Variants in TUFM observed in about 807,000 individuals in gnomAD.
TUFM encodes the protein elongation factor Tu, mitochondrial.
A neutral mutation model predicts 45.0 loss-of-function variants in TUFM; 23 were observed. The observed-to-expected ratio is 0.51, with a 90% CI of 0.37 to 0.72. TUFM has a LOEUF of 0.72. TUFM is among the 30% of genes least tolerant of loss of function. TUFM has a pLI of 0.00. For missense variants in TUFM, 490 were observed against 610.7 expected (o/e 0.80, Z 2.08); for synonymous variants, 243 against 252.9 (o/e 0.96, Z 0.37).
chr16:28,843,182 C>T (rs1392956436), intron 9 of TUFM, 34 bp from the exon 10 acceptor site: 3 of 1,613,188 alleles, frequency 1.9e-6, no homozygotes, highest in Non-Finnish European at 2.5e-6. Flanking sequence ...TGCGTGGCCT[C>T]CAGGGTGCCT....
In TUFM at chr16:28,842,417, G is replaced by A. The variant is rs1961826121; in HGVS notation, c.*558C>T. ...ACTTCACTGAGAAATCAAAAAATTT[G>A]TGACCTGCTTTATTGTGGTAGTCTG... On this transcript the variant is annotated 3_prime_UTR_variant, in exon 10 of 10. Coordinates refer to ENST00000313511, the MANE Select transcript of TUFM (RefSeq NM_003321.5). The A allele has an allele frequency of 1.7e-5, 3 of 175,660 alleles. No homozygotes were observed. Among genetic ancestry groups the A allele is most frequent in the African/African-American group, 7.2e-5 (3 of 41,744 alleles). The allele number at this position is 175,660 out of a possible 1,614,324, so 10.9% of individuals were successfully genotyped here. A position where few individuals can be genotyped will look rare whatever the true frequency, so the allele number is the denominator to read the frequency against.
chr16:28,845,219 A>G, intron 3 of TUFM, 95 bp downstream of exon 3: 1 of 1,604,158 alleles, frequency 6.2e-7, no homozygotes, highest in East Asian at 2.2e-5. Context: ...TCATACCCAA[A>G]CACTGAATAT....
At position 28,846,339 on chromosome 16, in the gene TUFM, G is replaced by C. The variant is rs1400660356; in HGVS notation, c.-70C>G. 6.6e-7 allele frequency: 1 copy of C among 1,511,678 alleles called. No individual in the cohort carries two copies. The highest frequency in any genetic ancestry group is 2.1e-5 in the Admixed American group (1 of 48,322). 93.6% of individuals were successfully genotyped at this position (1,511,678 alleles called of 1,614,324 possible). A position where few individuals can be genotyped will look rare whatever the true frequency, so the allele number is the denominator to read the frequency against. On this transcript the variant is annotated 5_prime_UTR_variant, in exon 1 of 10. Transcript: ENST00000313511. The stretch of plus-strand genomic sequence containing the variant: ...GCACAGAAGAAGAAGGGCGCCTGCG[G>C]CTGGAAGGCACTTCCGGCGGAAGTT...
intron 3 of TUFM, 90 bp from the exon 4 acceptor site, chr16:28,845,145 C>A: frequency 2.6e-6 from 4 of 1,567,680 alleles, no homozygotes; most frequent in Non-Finnish European, 3.5e-6. Flanking sequence ...GAAACTCAGG[C>A]CCACCTTTCT....
chr16:28,843,276 G>T, intron 9 of TUFM, 128 bp from the exon 10 acceptor site: 1 of 966,136 alleles, frequency 1.0e-6, no homozygotes, highest in South Asian at 1.4e-5. Context: ...CCTGGGGACA[G>T]CTTCATCCAT....
At chr16:28,845,162 TCTC>T (rs781659980) in intron 3 of TUFM, 107 bp from the exon 4 acceptor site, 69 of 1,554,772 alleles carry the variant, frequency 4.4e-5, no homozygotes, top group Non-Finnish European at 6.0e-5. Flanking sequence ...TTCTCTACCA[TCTC>T]CTCACCACCC....
At chr16:28,845,835 A>C in intron 2 of TUFM, 77 bp downstream of exon 2, 128 of 1,558,394 alleles carry the variant, frequency 8.2e-5, no homozygotes, top group Non-Finnish European at 1.0e-4. Context: ...TCCAGCAGAC[A>C]CTCTGCTGGC....
chr16:28,843,958 C>A lies in TUFM; in HGVS notation c.1066G>T (p.Glu356Ter). The A allele has an allele frequency of 1.2e-6, 2 of 1,614,158 alleles. No individual in the cohort carries two copies. Among genetic ancestry groups the A allele is most frequent in the Non-Finnish European group, 1.7e-6 (2 of 1,180,020 alleles). Reference sequence around the variant, plus strand: ...TCACCTGGAGCCCTCACCTGGGCCTCCACCTTCTGGTGGGGCTTGATGGAA... The same window carrying A: ...TCACCTGGAGCCCTCACCTGGGCCTACACCTTCTGGTGGGGCTTGATGGAA... ...PGSIKPHQKV[E>*]AQVYILSKEE... Residue 356 changes from glutamate (E) to a stop codon, truncating the protein, a stop_gained, in exon 8 of 10, where the codon GAG becomes TAG. Coordinates refer to ENST00000313511, the MANE Select transcript of TUFM (RefSeq NM_003321.5). LOFTEE classifies it high-confidence loss of function.
At chr16:28,843,715 C>T (rs1961857761) in intron 9 of TUFM, 21 bp downstream of exon 9, 2 of 1,612,112 alleles carry the variant, frequency 1.2e-6, no homozygotes, top group Non-Finnish European at 1.7e-6. Context: ...CTCCACCCTA[C>T]ATTCCTCCCA....
In TUFM at chr16:28,844,639, C is replaced by G; in HGVS notation, c.684+59G>C. 6.2e-6 allele frequency: 10 copies of G among 1,613,918 alleles called. No homozygotes were observed. Among genetic ancestry groups the G allele is most frequent in the Non-Finnish European group, 8.5e-6 (10 of 1,179,992 alleles). ...CACTTCCCAGACACAAAGCAGAGCTCTGGGTGCCCATCCAGCCCCACCCTC... is the reference window on the plus strand; with the variant it reads ...CACTTCCCAGACACAAAGCAGAGCTGTGGGTGCCCATCCAGCCCCACCCTC... On this transcript the variant is annotated intron_variant, in intron 5 of 9. Transcript: ENST00000313511. The surrounding 1 kb of genome is among the most constrained non-coding windows in gnomAD (Gnocchi z 5.8).
chr16:28,844,384 T>C lies in TUFM; in HGVS notation c.817+35A>G. 1.2e-6 allele frequency: 2 copies of C among 1,614,074 alleles called. No individual in the cohort carries two copies. The highest frequency in any genetic ancestry group is 1.7e-6 in the Non-Finnish European group (2 of 1,180,004). On this transcript the variant is annotated intron_variant, in intron 6 of 9. Coordinates refer to ENST00000313511, the MANE Select transcript of TUFM (RefSeq NM_003321.5). This position sits in a 1 kb window ranked among gnomAD's most constrained non-coding sequence, Gnocchi z 5.8. ...CAGGGACCCCGAGCTAGGCTTCTGC[T>C]AGAGAGAGTGCGTGGGAACAGACAG...
rs749070181 is a variant in TUFM at position 28,845,489 on chromosome 16, G to A, written c.248-9C>T. 30 of 1,614,100 alleles carry A rather than the reference G, an allele frequency of 1.9e-5. No homozygotes were observed. In the South Asian group the frequency reaches 3.3e-4, roughly 18 times the overall value. On this transcript the variant is annotated splice_polypyrimidine_tract_variant and intron_variant, in intron 2 of 9. Transcript: ENST00000313511. ...ACCTCCCTCAGCTAGAACTAAAGGA[G>A]GAAAAGAACACACCTCTCAGCTAAA...
At chr16:28,843,664 T>C in intron 9 of TUFM, 72 bp downstream of exon 9, 2 of 1,601,518 alleles carry the variant, frequency 1.2e-6, no homozygotes, top group East Asian at 4.5e-5. Context: ...AGTGTATCTT[T>C]GGAACTATGA....
chr16:28,843,291 G>A (rs1961847539), intron 9 of TUFM, 143 bp from the exon 10 acceptor site: 1 of 852,388 alleles, frequency 1.2e-6, no homozygotes, highest in Admixed American at 2.0e-5. Flanking sequence ...ATCCATCCCA[G>A]GCTGTCAGGC....
Position 28,844,392 on chromosome 16 carries a change from G to A in TUFM, c.817+27C>T. 2 of 1,614,200 alleles carry A rather than the reference G, an allele frequency of 1.2e-6. No individual in the cohort carries two copies. The highest frequency in any genetic ancestry group is 1.7e-6 in the Non-Finnish European group (2 of 1,180,028). Reference sequence around the variant, plus strand: ...CCGAGCTAGGCTTCTGCTAGAGAGAGTGCGTGGGAACAGACAGAGTCCTCA... The same window carrying A: ...CCGAGCTAGGCTTCTGCTAGAGAGAATGCGTGGGAACAGACAGAGTCCTCA... On this transcript the variant is annotated intron_variant, in intron 6 of 9. Coordinates refer to ENST00000313511, the MANE Select transcript of TUFM (RefSeq NM_003321.5). The surrounding 1 kb of genome is among the most constrained non-coding windows in gnomAD (Gnocchi z 5.8).
rs1230150459 is a variant in TUFM at position 28,843,784 on chromosome 16, G to C, written c.1146C>G (p.Phe382Leu). ...PFVSHFMPVM[F>L]SLTWDMACRI... Reference sequence around the variant, plus strand: ...GACAGGCCATGTCCCAAGTCAGGGAGAACATGACAGGCATGAAGTGGGACA... The same window carrying C: ...GACAGGCCATGTCCCAAGTCAGGGACAACATGACAGGCATGAAGTGGGACA... The change falls in exon 9 of 10, where the codon TTC becomes TTG. Residue 382 changes from phenylalanine (F) to leucine (L), a missense_variant. Physicochemically the swap from Phe to Leu is conservative, Grantham distance 22 (BLOSUM62 0). Coordinates refer to ENST00000313511, the MANE Select transcript of TUFM (RefSeq NM_003321.5). 1 of 1,613,982 alleles carries C rather than the reference G, an allele frequency of 6.2e-7. No homozygotes were observed. The highest frequency in any genetic ancestry group is 1.1e-5 in the South Asian group (1 of 91,068).
chr16:28,843,254 G>T, intron 9 of TUFM, 106 bp from the exon 10 acceptor site: 2 of 1,210,948 alleles, frequency 1.7e-6, no homozygotes, highest in East Asian at 2.4e-5. Flanking sequence ...ATGCAGCAGG[G>T]GAATGGTTCT....
At position 28,843,158 on chromosome 16, in the gene TUFM, G is replaced by A. The variant is rs779985614; in HGVS notation, c.1195-10C>T. ...CGGGCATGGCAAGCTCCTAGAGTAG[G>A]AAGAGAAGGATCATGCGTGGCCTCC... is the stretch of plus-strand genomic sequence containing the variant. On this transcript the variant is annotated splice_polypyrimidine_tract_variant and intron_variant, in intron 9 of 9. Transcript: ENST00000313511. 6.2e-7 allele frequency: 1 copy of A among 1,614,046 alleles called. No homozygotes were observed. The highest frequency in any genetic ancestry group is 8.5e-7 in the Non-Finnish European group (1 of 1,180,016).
intron 9 of TUFM, 75 bp downstream of exon 9, chr16:28,843,661 C>G: frequency 6.3e-7 from 1 of 1,599,722 alleles, no homozygotes; most frequent in South Asian, 1.1e-5. Flanking sequence ...CACAGTGTAT[C>G]TTTGGAACTA....
Sources: gnomAD v4.1 joint callset for allele counts on GRCh38, gnomAD v4.1.1 for gene constraint, Gnocchi (gnomAD v3.1) non-coding constraint, MANE v1.5 for transcripts, NCBI Gene and HGNC (gene_info 2026-07-23, HGNC 2026-07-21) for gene names.